RTKN2: variants seen among roughly 807,000 people sequenced by gnomAD.
The protein encoded by RTKN2 is rhotekin 2.
RTKN2 carries 69 observed loss-of-function variants against 71.5 expected under a neutral mutation model. The observed-to-expected ratio is 0.96, with a 90% confidence interval of 0.79 to 1.18. The LOEUF (loss-of-function observed/expected upper bound fraction) is 1.18. Among genes scored for constraint, RTKN2 ranks in the 50% most tolerant of loss-of-function variants. RTKN2 has a pLI of 0.00. For missense variants in RTKN2, 724 were observed against 719.7 expected (o/e 1.01, Z -0.07); for synonymous variants, 236 against 236.5 (o/e 1.00, Z 0.02).
At chr10:62,187,263 G>A (rs1841151411) in intron 8 of RTKN2, among the ~76,000 whole-genome samples, 1 of 149,418 alleles carries the variant, frequency 6.7e-6, no homozygotes, top group Non-Finnish European at 1.5e-5. Context: ...GAACACTTTT[G>A]GCATCACAAA....
chr10:62,222,638 A>G (rs1419808278), intron 7 of RTKN2, among the ~76,000 whole-genome samples: 1 of 152,188 alleles, frequency 6.6e-6, no homozygotes, highest in Non-Finnish European at 1.5e-5. Flanking sequence ...ATACTTCCAA[A>G]CTGCCTTACC....
At chr10:62,261,262 T>A (rs1842768545) in intron 2 of RTKN2, among the ~76,000 whole-genome samples, 1 of 152,114 alleles carries the variant, frequency 6.6e-6, no homozygotes, top group East Asian at 1.9e-4. Flanking sequence ...TTACATTAGG[T>A]TTTTGTATAT....
intron 2 of RTKN2, among the ~76,000 whole-genome samples, chr10:62,252,309 C>T (rs1025388631): frequency 6.6e-6 from 1 of 151,970 alleles, no homozygotes; most frequent in Non-Finnish European, 1.5e-5. Context: ...TCACAAAACT[C>T]AAGGAAAGAA....
In RTKN2 at chr10:62,268,749, A is replaced by T. The variant is rs1030853619; in HGVS notation, c.-139T>A. 4 of 881,884 alleles carry T rather than the reference A, an allele frequency of 4.5e-6. No individual in the cohort carries two copies. Among genetic ancestry groups the T allele is most frequent in the Non-Finnish European group, 6.8e-6 (4 of 588,318 alleles). The allele number at this position is 881,884 out of a possible 1,614,324, so 54.6% of individuals were successfully genotyped here. On this transcript the variant is annotated 5_prime_UTR_variant, in exon 1 of 12. Coordinates refer to ENST00000373789, the MANE Select transcript of RTKN2 (RefSeq NM_145307.4). ...TCGCAGGGGCCGGGGGCGCAGGAGGAGCCGGGCCGAAGCGCACGCGCAGTG... is the reference window on the plus strand; with the variant it reads ...TCGCAGGGGCCGGGGGCGCAGGAGGTGCCGGGCCGAAGCGCACGCGCAGTG...
intron 1 of RTKN2, among the ~76,000 whole-genome samples, chr10:62,265,628 G>A: frequency 6.9e-6 from 1 of 145,766 alleles, no homozygotes. Context: ...TATTTCCCAT[G>A]CAACTTCTTT....
At chr10:62,206,079 T>C (rs974797792) in intron 9 of RTKN2, among the ~76,000 whole-genome samples, 5 of 152,180 alleles carry the variant, frequency 3.3e-5, no homozygotes, top group Admixed American at 2.6e-4. Context: ...ATCTGAAATA[T>C]GTTGAAGGCT....
chr10:62,212,057 A>G (rs183476972), intron 9 of RTKN2, among the ~76,000 whole-genome samples: 133 of 152,140 alleles, frequency 8.7e-4, no homozygotes, highest in African/African-American at 3.1e-3. Flanking sequence ...TTAAGAATAC[A>G]TTGTTCGAGA....
intron 6 of RTKN2, among the ~76,000 whole-genome samples, chr10:62,227,505 T>C (rs998449817): frequency 3.3e-5 from 5 of 151,232 alleles, no homozygotes; most frequent in African/African-American, 1.2e-4. Context: ...GTGACTGGAG[T>C]ATAGTGAGGG....
intron 4 of RTKN2, among the ~76,000 whole-genome samples, chr10:62,240,806 T>C (rs1487760243): frequency 6.6e-6 from 1 of 152,218 alleles, no homozygotes; most frequent in Non-Finnish European, 1.5e-5. Flanking sequence ...TTCCAGATTC[T>C]GGTCAAATAC....
intron 1 of RTKN2, among the ~76,000 whole-genome samples, chr10:62,264,172 A>G (rs1842827919): frequency 1.3e-5 from 2 of 152,212 alleles, no homozygotes; most frequent in Admixed American, 1.3e-4. Context: ...ACCTTTTCAA[A>G]AAGAAAAGAT....
At chr10:62,199,697 G>A (rs1037188366) in intron 11 of RTKN2, 57 bp downstream of exon 11, 75 of 1,020,172 alleles carry the variant, frequency 7.4e-5, no homozygotes, top group Non-Finnish European at 1.0e-4. Context: ...AGCTGCTTCA[G>A]TATGGACAAT....
chr10:62,209,342 C>T (rs983487472), intron 9 of RTKN2, among the ~76,000 whole-genome samples: 2 of 151,834 alleles, frequency 1.3e-5, no homozygotes, highest in Non-Finnish European at 2.9e-5. Context: ...TGGAAAAACC[C>T]TGCAGGATAA....
At chr10:62,184,163 C>T (rs1841097841) in exon 9 of RTKN2, 1 of 539,220 alleles carries the variant, frequency 1.9e-6, no homozygotes, top group Non-Finnish European at 3.2e-6. Flanking sequence ...CTTAAATATT[C>T]TTCTAAGGTC....
chr10:62,223,931 TG>T (rs1318911305), intron 6 of RTKN2, among the ~76,000 whole-genome samples: 1 of 150,800 alleles, frequency 6.6e-6, no homozygotes, highest in Non-Finnish European at 1.5e-5. Flanking sequence ...TATCCAGGGA[TG>T]AAGGAATCAA....
chr10:62,228,807 C>A (rs1367465705), intron 6 of RTKN2, among the ~76,000 whole-genome samples: 1 of 152,068 alleles, frequency 6.6e-6, no homozygotes. Context: ...TGTGGGTAGG[C>A]TGGCAGATTT....
At position 62,260,740 on chromosome 10, in the gene RTKN2, AAC is replaced by A. The variant is rs546467716; in HGVS notation, c.257+1883_257+1884del. ...AAAAGCCACACTGCCGAATTTAAGAAACAGTCAATTCATAACTCATTATAAAT... is the reference window on the plus strand; with the variant it reads ...AAAAGCCACACTGCCGAATTTAAGAAAGTCAATTCATAACTCATTATAAAT... On this transcript the variant is annotated intron_variant, in intron 2 of 11. Transcript: ENST00000373789. 4.6e-3 allele frequency among the ~76,000 whole-genome samples: 707 copies of A among 152,354 alleles called. 3 individuals are homozygous for A. The highest frequency in any genetic ancestry group is 6.5e-3 in the Non-Finnish European group (443 of 68,030).
At chr10:62,201,564 T>G (rs986076472) in intron 10 of RTKN2, among the ~76,000 whole-genome samples, 7 of 152,090 alleles carry the variant, frequency 4.6e-5, no homozygotes, top group Non-Finnish European at 1.0e-4. Context: ...TTTTTTCTTC[T>G]TAGGGGCAGG....
At chr10:62,262,179 GGCTA>G (rs1455640961) in intron 2 of RTKN2, among the ~76,000 whole-genome samples, 1 of 152,086 alleles carries the variant, frequency 6.6e-6, no homozygotes, top group Non-Finnish European at 1.5e-5. Context: ...TCAAGAGATG[GGCTA>G]GCAGATTTTT....
At chr10:62,201,975 T>C (rs777639456) in intron 10 of RTKN2, among the ~76,000 whole-genome samples, 1 of 152,196 alleles carries the variant, frequency 6.6e-6, no homozygotes, top group Non-Finnish European at 1.5e-5. Flanking sequence ...AAAATACCAT[T>C]TACTGTTATA....
Sources: gnomAD v4.1 joint callset for allele counts (sites outside exome capture counted in the v4.1 genomes callset) on GRCh38, gnomAD v4.1.1 for gene constraint, MANE v1.5 for transcripts, NCBI Gene and HGNC (gene_info 2026-07-23, HGNC 2026-07-21) for gene names.